DCC: variants seen among roughly 807,000 people sequenced by gnomAD.
DCC encodes the protein netrin receptor DCC.
Under a neutral mutation model 172.5 loss-of-function variants are expected in DCC, and 58 were observed. The ratio of observed to expected loss-of-function variants is 0.34; its 90% CI spans 0.27 to 0.42. The LOEUF (loss-of-function observed/expected upper bound fraction) is 0.42, where lower values mean the gene tolerates loss of function less well. DCC is among the 10% of genes least tolerant of loss of function. The pLI, the probability that DCC is intolerant of heterozygous loss-of-function variation, is 1.00. For synonymous variants in DCC, 709 were observed against 644.5 expected (o/e 1.10, Z -1.52); for missense variants, 1,740 against 1,791.0 (o/e 0.97, Z 0.51).
chr18:52,926,139 G>A (rs1450174104), intron 5 of DCC, among the ~76,000 whole-genome samples: 2 of 151,686 alleles, frequency 1.3e-5, no homozygotes, highest in Non-Finnish European at 3.0e-5. Flanking sequence ...TTTTCCTCTG[G>A]AATAAATCTT....
chr18:53,127,650 A>G (rs573471999), intron 7 of DCC, among the ~76,000 whole-genome samples: 1 of 152,296 alleles, frequency 6.6e-6, no homozygotes, highest in South Asian at 2.1e-4. Flanking sequence ...AAGCTTAGCC[A>G]CTAGAATATT....
chr18:52,671,674 G>A (rs1008485571), intron 1 of DCC, among the ~76,000 whole-genome samples: 1 of 151,676 alleles, frequency 6.6e-6, no homozygotes, highest in Non-Finnish European at 1.5e-5. Context: ...CGAGTAGCTG[G>A]GAACACAGGT....
At chr18:53,211,906 G>T (rs920104987) in intron 11 of DCC, among the ~76,000 whole-genome samples, 2 of 151,866 alleles carry the variant, frequency 1.3e-5, no homozygotes, top group Non-Finnish European at 2.9e-5. Flanking sequence ...AAGTTAGCCA[G>T]GTATGGTGGT....
At chr18:52,841,076 G>A (rs1391028880) in intron 2 of DCC, among the ~76,000 whole-genome samples, 1 of 152,166 alleles carries the variant, frequency 6.6e-6, no homozygotes, top group Non-Finnish European at 1.5e-5. Flanking sequence ...ACTTGAATGA[G>A]GAGAAGTAGT....
intron 19 of DCC, 73 bp downstream of exon 19, chr18:53,402,966 C>T: frequency 9.4e-7 from 1 of 1,058,802 alleles, no homozygotes; most frequent in South Asian, 1.3e-5. Context: ...ACATGAGCTG[C>T]TCCTGCCTTT....
At chr18:52,905,832 G>A (rs2145446920) in intron 2 of DCC, among the ~76,000 whole-genome samples, 1 of 152,226 alleles carries the variant, frequency 6.6e-6, no homozygotes, top group South Asian at 2.1e-4. Flanking sequence ...TTCTAGAGAT[G>A]AATGACAACA....
chr18:53,150,241 A>G (rs1179387894), intron 7 of DCC, among the ~76,000 whole-genome samples: 1 of 152,190 alleles, frequency 6.6e-6, no homozygotes, highest in East Asian at 1.9e-4. Flanking sequence ...TTATCTGCAA[A>G]TTAATAATAA....
chr18:53,041,675 C>T (rs574000026), intron 5 of DCC, among the ~76,000 whole-genome samples: 1 of 152,012 alleles, frequency 6.6e-6, no homozygotes, highest in African/African-American at 2.4e-5. Context: ...TTGTTTGTAT[C>T]CTGTCTGATT....
intron 1 of DCC, among the ~76,000 whole-genome samples, chr18:52,375,080 C>A (rs1347468404): frequency 6.6e-6 from 1 of 152,154 alleles, no homozygotes; most frequent in Non-Finnish European, 1.5e-5. Flanking sequence ...TCTTCTTGAT[C>A]CCCCTTTGTG....
chr18:53,357,552 T>C (rs1455887340), intron 15 of DCC, among the ~76,000 whole-genome samples: 1 of 152,224 alleles, frequency 6.6e-6, no homozygotes, highest in Non-Finnish European at 1.5e-5. Context: ...AGAGAACATT[T>C]ATTATTTTGA....
chr18:52,829,683 T>C (rs2038577837), intron 2 of DCC, among the ~76,000 whole-genome samples: 2 of 152,202 alleles, frequency 1.3e-5, no homozygotes, highest in African/African-American at 4.8e-5. Flanking sequence ...TTCACATGCA[T>C]ATATATTTAT....
At chr18:53,264,386 C>T (rs1208462287) in intron 12 of DCC, among the ~76,000 whole-genome samples, 5 of 150,618 alleles carry the variant, frequency 3.3e-5, no homozygotes, top group South Asian at 2.1e-4. Context: ...ACTCTGGAGG[C>T]CGAGGCTTGA....
At chr18:53,012,028 A>G (rs1300878085) in intron 5 of DCC, among the ~76,000 whole-genome samples, 1 of 151,960 alleles carries the variant, frequency 6.6e-6, no homozygotes, top group Non-Finnish European at 1.5e-5. Flanking sequence ...TTTAAATTAA[A>G]AAGACTAATA....
chr18:53,535,163 C>A lies in DCC; in HGVS notation c.*4510C>A, dbSNP rs1369093002. On this transcript the variant is annotated 3_prime_UTR_variant, in exon 29 of 29. Coordinates refer to ENST00000442544, the MANE Select transcript of DCC (RefSeq NM_005215.4). Reference sequence around the variant, plus strand: ...TCAGCTTGTTTGGGGGAAGGGTGGGCGGGTATGGGGTGTACTTTTTATAAG... The same window carrying A: ...TCAGCTTGTTTGGGGGAAGGGTGGGAGGGTATGGGGTGTACTTTTTATAAG... The A allele has an allele frequency of 2.3e-5, 1 of 43,930 alleles. No individual in the cohort carries two copies. The highest frequency in any genetic ancestry group is 8.6e-5 in the African/African-American group (1 of 11,568). 2.7% of individuals were successfully genotyped at this position (43,930 alleles called of 1,614,324 possible). A position where few individuals can be genotyped will look rare whatever the true frequency, so the allele number is the denominator to read the frequency against.
chr18:53,392,892 A>AGTATCC (rs1908653898), intron 17 of DCC, among the ~76,000 whole-genome samples: 1 of 152,232 alleles, frequency 6.6e-6, no homozygotes, highest in Non-Finnish European at 1.5e-5. Flanking sequence ...TTAAAACTTC[A>AGTATCC]CAAGATACTG....
chr18:52,404,650 T>C (rs1986566674), intron 1 of DCC, among the ~76,000 whole-genome samples: 1 of 143,542 alleles, frequency 7.0e-6, no homozygotes, highest in South Asian at 2.1e-4. Flanking sequence ...GGAGTTTTCT[T>C]TTTTGTTTTC....
Position 53,450,522 on chromosome 18 carries a change from C to A in DCC, c.3252C>A (p.His1084Gln), listed in dbSNP as rs759412194. 1.2e-6 allele frequency: 2 copies of A among 1,613,628 alleles called. No individual in the cohort carries two copies. Among genetic ancestry groups the A allele is most frequent in the African/African-American group, 1.3e-5 (1 of 74,950 alleles). ...TLNEPPIGQM[H>Q]PPHGSVTPQK... ...CAGAGCCGCCAATTGGACAAATGCA[C>A]CCCCCGCATGGCAGTGTCACTCCTC... Residue 1084 changes from histidine (H) to glutamine (Q), a missense_variant, in exon 23 of 29, where the codon CAC becomes CAA. By Grantham distance (24) the His-to-Gln change is conservative. Transcript: ENST00000442544.
At chr18:52,542,573 C>T (rs1360454508) in intron 1 of DCC, among the ~76,000 whole-genome samples, 1 of 152,120 alleles carries the variant, frequency 6.6e-6, no homozygotes, top group Non-Finnish European at 1.5e-5. Flanking sequence ...CAGTGGCTCA[C>T]ACCTGTAATC....
At chr18:52,398,293 T>G (rs966752453) in intron 1 of DCC, among the ~76,000 whole-genome samples, 1 of 151,992 alleles carries the variant, frequency 6.6e-6, no homozygotes, top group African/African-American at 2.4e-5. Context: ...TCTTAGAGCC[T>G]AATACACCTA....
Sources: allele counts gnomAD v4.1 joint callset (sites outside exome capture counted in the v4.1 genomes callset), GRCh38; gene constraint gnomAD v4.1.1; transcripts MANE v1.5; gene names NCBI Gene and HGNC (gene_info 2026-07-23, HGNC 2026-07-21).